KHDRBS2: variants seen among roughly 807,000 people sequenced by gnomAD.
KHDRBS2 encodes KH domain-containing, RNA-binding, signal transduction-associated protein 2.
A neutral mutation model predicts 44.3 loss-of-function variants in KHDRBS2; 26 were observed. That is an observed-to-expected ratio of 0.59 (90% CI 0.43 to 0.81). The LOEUF (loss-of-function observed/expected upper bound fraction) is 0.81. Ranked by LOEUF, KHDRBS2 falls within the 40% of genes least tolerant of loss-of-function variation. The pLI, the probability that KHDRBS2 is intolerant of heterozygous loss-of-function variation, is 0.00. For missense variants in KHDRBS2, 476 were observed against 433.1 expected (o/e 1.10, Z -0.88); for synonymous variants, 194 against 151.1 (o/e 1.28, Z -2.08).
At chr6:61,745,948 T>C (rs1776796752) in intron 6 of KHDRBS2, among the ~76,000 whole-genome samples, 1 of 152,196 alleles carries the variant, frequency 6.6e-6, no homozygotes, top group African/African-American at 2.4e-5. Flanking sequence ...AGAGTGCGTG[T>C]CTTACATTTC....
chr6:62,223,808 A>G (rs1466018364), intron 1 of KHDRBS2, among the ~76,000 whole-genome samples: 1 of 152,130 alleles, frequency 6.6e-6, no homozygotes, highest in African/African-American at 2.4e-5. Context: ...CCAGTTCCCA[A>G]CAAATTCCTC....
intron 7 of KHDRBS2, among the ~76,000 whole-genome samples, chr6:61,709,810 G>A (rs1278577737): frequency 6.6e-6 from 1 of 151,614 alleles, no homozygotes; most frequent in African/African-American, 2.4e-5. Context: ...TTGAACCCTA[G>A]TTTGAAATGG....
chr6:62,272,008 G>A (rs1840171415), intron 1 of KHDRBS2, among the ~76,000 whole-genome samples: 2 of 152,114 alleles, frequency 1.3e-5, no homozygotes, highest in South Asian at 2.1e-4. Flanking sequence ...AACTCACCCA[G>A]AGCAACTTCC....
At chr6:61,752,634 G>A (rs1225868906) in intron 6 of KHDRBS2, among the ~76,000 whole-genome samples, 6 of 119,282 alleles carry the variant, frequency 5.0e-5, no homozygotes, top group African/African-American at 1.3e-4. Context: ...TTGAGTCCCT[G>A]AAATGTGCCA....
intron 2 of KHDRBS2, among the ~76,000 whole-genome samples, chr6:62,141,771 T>C (rs1306859209): frequency 6.6e-6 from 1 of 152,152 alleles, no homozygotes; most frequent in East Asian, 1.9e-4. Flanking sequence ...TAAGTGGATT[T>C]CCTTCGATAA....
chr6:62,116,326 C>G (rs537857550), intron 2 of KHDRBS2, among the ~76,000 whole-genome samples: 1 of 152,166 alleles, frequency 6.6e-6, no homozygotes, highest in East Asian at 1.9e-4. Flanking sequence ...CAACTTGGTC[C>G]TCTTTGACCA....
chr6:61,985,855 T>C lies in KHDRBS2; in HGVS notation c.337-7643A>G, dbSNP rs187815687. ...TACGATCCAAATACAGTGTCTTCTATGATACATGACCAGCAAAATTAAAAA... is the reference window on the plus strand; with the variant it reads ...TACGATCCAAATACAGTGTCTTCTACGATACATGACCAGCAAAATTAAAAA... On this transcript the variant is annotated intron_variant, in intron 3 of 8. Transcript: ENST00000281156. Among the ~76,000 whole-genome samples the C allele has an allele frequency of 6.4e-3, 982 of 152,282 alleles. 6 individuals carry two copies. Among genetic ancestry groups the C allele is most frequent in the Middle Eastern group, 0.01 (3 of 294 alleles).
At chr6:61,678,626 C>T (rs1766077229), downstream of KHDRBS2, among the ~76,000 whole-genome samples, 2 of 151,880 alleles carry the variant, frequency 1.3e-5, no homozygotes. Context: ...AAGAAAAAGG[C>T]AGAAGATTAA....
chr6:62,059,347 G>T (rs751920042), intron 2 of KHDRBS2, among the ~76,000 whole-genome samples: 9 of 150,702 alleles, frequency 6.0e-5, no homozygotes, highest in Non-Finnish European at 8.9e-5. Context: ...AGTGGAGCAG[G>T]AAAAAGCTAA....
At chr6:62,217,759 G>T (rs914739551) in intron 1 of KHDRBS2, among the ~76,000 whole-genome samples, 2 of 151,674 alleles carry the variant, frequency 1.3e-5, no homozygotes, top group African/African-American at 4.8e-5. Context: ...TTATGTTGAA[G>T]AAGCCAAAGA....
At chr6:61,612,946 G>A in the KHDRBS2 span, among the ~76,000 whole-genome samples, 98 of 143,160 alleles carry the variant, frequency 6.8e-4, no homozygotes, top group African/African-American at 2.6e-3. Flanking sequence ...TCCGCCTCCT[G>A]GGTTCACGCC....
At chr6:61,795,363 G>T (rs1190358899) in intron 6 of KHDRBS2, among the ~76,000 whole-genome samples, 1 of 151,854 alleles carries the variant, frequency 6.6e-6, no homozygotes, top group Non-Finnish European at 1.5e-5. Context: ...AGGGAGGCAT[G>T]TCAACTTATA....
chr6:62,095,672 A>G (rs975110982), intron 2 of KHDRBS2, among the ~76,000 whole-genome samples: 3 of 151,914 alleles, frequency 2.0e-5, no homozygotes, highest in Admixed American at 1.3e-4. Context: ...AACAGGGACA[A>G]TCTAACTTTC....
chr6:61,754,231 C>G (rs939562810), intron 6 of KHDRBS2, among the ~76,000 whole-genome samples: 7 of 152,048 alleles, frequency 4.6e-5, no homozygotes, highest in African/African-American at 1.7e-4. Context: ...TAAAAGCTGT[C>G]TATGTTAAAA....
At chr6:61,681,201 G>C in intron 8 of KHDRBS2, 141 bp from the exon 9 acceptor site, 3 of 618,364 alleles carry the variant, frequency 4.9e-6, no homozygotes, top group Non-Finnish European at 8.7e-6. Context: ...TCCACATCGT[G>C]AGACCATCAA....
chr6:61,924,547 TAA>T (rs1487140054), intron 4 of KHDRBS2, among the ~76,000 whole-genome samples: 1 of 151,526 alleles, frequency 6.6e-6, no homozygotes, highest in Non-Finnish European at 1.5e-5. Context: ...CTATAATTTT[TAA>T]AAGTCTAACA....
chr6:61,978,770 C>T (rs181677778), intron 3 of KHDRBS2, among the ~76,000 whole-genome samples: 4 of 152,148 alleles, frequency 2.6e-5, no homozygotes, highest in Admixed American at 1.3e-4. Flanking sequence ...GCTTTTCTAT[C>T]GCTTGCTGCC....
intron 7 of KHDRBS2, among the ~76,000 whole-genome samples, chr6:61,701,286 ACTAAGAGTGG>A (rs1238252588): frequency 6.6e-6 from 1 of 152,026 alleles, no homozygotes; most frequent in Non-Finnish European, 1.5e-5. Context: ...ACAGAACTTT[ACTAAGAGTGG>A]CTTTTTCTGA....
the KHDRBS2 span, among the ~76,000 whole-genome samples, chr6:61,636,556 C>A: frequency 7.9e-5 from 12 of 152,088 alleles, no homozygotes; most frequent in Non-Finnish European, 1.8e-4. Flanking sequence ...TTGCACTCAG[C>A]TCCCAGGGGA....
Sources: allele counts gnomAD v4.1 joint callset (sites outside exome capture counted in the v4.1 genomes callset), GRCh38; gene constraint gnomAD v4.1.1; transcripts MANE v1.5; gene names NCBI Gene and HGNC (gene_info 2026-07-23, HGNC 2026-07-21).